Variants in CHODL observed in about 807,000 individuals in gnomAD.
CHODL encodes the protein transmembrane protein MT75.
Under a neutral mutation model 34.5 loss-of-function variants are expected in CHODL, and 29 were observed. That is an observed-to-expected ratio of 0.84 (90% CI 0.63 to 1.15). The LOEUF (loss-of-function observed/expected upper bound fraction) is 1.15, where lower values mean the gene tolerates loss of function less well. CHODL is among the 50% of genes most tolerant of loss of function. CHODL has a pLI of 0.00. For synonymous variants in CHODL, 125 were observed against 116.1 expected (o/e 1.08, Z -0.49); for missense variants, 332 against 332.5 (o/e 1.00, Z 0.01).
At chr21:18,165,558 T>C (rs1259201069) in intron 2 of CHODL, among the ~76,000 whole-genome samples, 1 of 152,100 alleles carries the variant, frequency 6.6e-6, no homozygotes, top group African/African-American at 2.4e-5. Flanking sequence ...GCAGCAGGGA[T>C]GGCTAAAACT....
At chr21:18,028,277 C>CCCTTCCTTCCTT (rs1555853374) in intron 2 of CHODL, among the ~76,000 whole-genome samples, 1,164 of 98,898 alleles carry the variant, frequency 0.012, 21 homozygotes, top group Middle Eastern at 0.015. Flanking sequence ...TTTCCTTTTC[C>CCCTTCCTTCCTT]CCTTCCTTCC....
chr21:18,168,065 C>T (rs769213370), intron 2 of CHODL, among the ~76,000 whole-genome samples: 6 of 152,166 alleles, frequency 3.9e-5, no homozygotes, highest in African/African-American at 9.7e-5. Context: ...CCTCAAATAT[C>T]GGACTCCAAG....
chr21:18,246,239 C>T (rs1043920017), intron 1 of CHODL, among the ~76,000 whole-genome samples: 3 of 152,118 alleles, frequency 2.0e-5, no homozygotes, highest in Admixed American at 1.3e-4. Context: ...CTCATTGAAA[C>T]ATTGCAATAA....
intron 1 of CHODL, among the ~76,000 whole-genome samples, chr21:17,983,242 T>G (rs1380939757): frequency 6.6e-6 from 1 of 152,230 alleles, no homozygotes; most frequent in Non-Finnish European, 1.5e-5. Context: ...GGCTTTGCAA[T>G]AATCCACTGT....
intron 1 of CHODL, among the ~76,000 whole-genome samples, chr21:17,965,728 A>G (rs985079911): frequency 6.6e-6 from 1 of 152,168 alleles, no homozygotes; most frequent in Non-Finnish European, 1.5e-5. Flanking sequence ...ACATATAATA[A>G]TGGCCTTTTT....
At chr21:18,161,271 G>A (rs902610194) in intron 2 of CHODL, among the ~76,000 whole-genome samples, 3 of 152,112 alleles carry the variant, frequency 2.0e-5, no homozygotes, top group African/African-American at 4.8e-5. Flanking sequence ...TGTAAAACGT[G>A]AACACTATGA....
chr21:17,926,711 G>A (rs890519848), intron 1 of CHODL, among the ~76,000 whole-genome samples: 1 of 152,096 alleles, frequency 6.6e-6, no homozygotes, highest in Non-Finnish European at 1.5e-5. Context: ...CCCTTGACAC[G>A]TGGATTATAG....
At chr21:17,979,373 T>C (rs2063696631) in intron 1 of CHODL, among the ~76,000 whole-genome samples, 1 of 152,202 alleles carries the variant, frequency 6.6e-6, no homozygotes, top group Non-Finnish European at 1.5e-5. Flanking sequence ...AAATTGTGGG[T>C]AAATAAATAT....
intron 2 of CHODL, among the ~76,000 whole-genome samples, chr21:18,162,054 CT>C (rs1286789705): frequency 6.6e-6 from 1 of 152,174 alleles, no homozygotes; most frequent in Admixed American, 6.5e-5. Flanking sequence ...AATTTATGCT[CT>C]CTGCAAGTCA....
rs544568164 is a variant in CHODL at position 18,049,719 on chromosome 21, CTCTTA to C, written c.-45+21750_-45+21754del. On this transcript the variant is annotated intron_variant, in intron 2 of 6. Coordinates refer to the CHODL transcript ENST00000400127. The stretch of plus-strand genomic sequence containing the variant: ...TCATCCCTGGTGTCTAAATTTCCTC[CTCTTA>C]TAAGAACATCAGTCGGATTGGATTA... 2.3e-3 allele frequency among the ~76,000 whole-genome samples: 355 copies of C among 152,104 alleles called. 3 individuals are homozygous for C. The highest frequency in any genetic ancestry group is 4.0e-3 in the Non-Finnish European group (271 of 67,938).
At chr21:18,040,700 A>G (rs916848251) in intron 2 of CHODL, among the ~76,000 whole-genome samples, 4 of 151,858 alleles carry the variant, frequency 2.6e-5, no homozygotes, top group African/African-American at 9.7e-5. Flanking sequence ...TAGGTAATCA[A>G]ATTTCATACC....
chr21:18,154,949 A>G (rs1016456737), intron 2 of CHODL, among the ~76,000 whole-genome samples: 3 of 152,166 alleles, frequency 2.0e-5, no homozygotes, highest in African/African-American at 7.2e-5. Flanking sequence ...TGGAATAATA[A>G]TAGTGGACAG....
intron 2 of CHODL, among the ~76,000 whole-genome samples, chr21:18,062,846 C>A (rs921874552): frequency 6.6e-6 from 1 of 151,900 alleles, no homozygotes. Context: ...GGGAAAACTA[C>A]ACTGTAAAAG....
chr21:18,238,232 C>T (rs1045435715), intron 2 of CHODL, among the ~76,000 whole-genome samples: 1 of 151,970 alleles, frequency 6.6e-6, no homozygotes. Context: ...AACTGATGCG[C>T]ATATTAGTCC....
intron 2 of CHODL, among the ~76,000 whole-genome samples, chr21:18,058,828 G>T (rs775679564): frequency 1.3e-5 from 2 of 152,012 alleles, no homozygotes; most frequent in Non-Finnish European, 2.9e-5. Flanking sequence ...TCCTTTACAG[G>T]ATAATTCTCC....
intron 1 of CHODL, among the ~76,000 whole-genome samples, chr21:17,978,650 G>A (rs1216581429): frequency 9.2e-5 from 14 of 151,646 alleles, no homozygotes; most frequent in Admixed American, 7.9e-4. Flanking sequence ...CCCAGAAGGC[G>A]GAGCTTGCAG....
intron 2 of CHODL, among the ~76,000 whole-genome samples, chr21:18,124,627 A>G (rs1024928058): frequency 1.3e-5 from 2 of 152,170 alleles, no homozygotes; most frequent in African/African-American, 4.8e-5. Context: ...AGAATGTTAT[A>G]CTATCAAACA....
intron 2 of CHODL, among the ~76,000 whole-genome samples, chr21:18,157,216 G>C (rs1388780772): frequency 6.6e-6 from 1 of 152,168 alleles, no homozygotes; most frequent in Non-Finnish European, 1.5e-5. Context: ...CTGTGAGATG[G>C]AAGATACGTT....
chr21:18,084,826 T>A (rs1488189842), intron 2 of CHODL, among the ~76,000 whole-genome samples: 1 of 152,088 alleles, frequency 6.6e-6, no homozygotes, highest in African/African-American at 2.4e-5. Context: ...TACTTGCTTA[T>A]TTTTTGTCTC....
Sources: allele counts gnomAD v4.1 joint callset (sites outside exome capture counted in the v4.1 genomes callset), GRCh38; gene constraint gnomAD v4.1.1; transcripts MANE v1.5; gene names NCBI Gene and HGNC (gene_info 2026-07-23, HGNC 2026-07-21).